LMO1: variants seen among roughly 807,000 people sequenced by gnomAD.
LMO1 encodes rhombotin-1.
A neutral mutation model predicts 18.0 loss-of-function variants in LMO1; 10 were observed. The observed-to-expected ratio is 0.55, with a 90% confidence interval of 0.34 to 0.94. LMO1 has a LOEUF of 0.94. Ranked by LOEUF, LMO1 falls within the 40% of genes least tolerant of loss-of-function variation. The pLI, the probability that LMO1 is intolerant of heterozygous loss-of-function variation, is 0.02. For synonymous variants in LMO1, 77 were observed against 77.9 expected (o/e 0.99, Z 0.06); for missense variants, 183 against 205.7 (o/e 0.89, Z 0.68).
intron 1 of LMO1, among the ~76,000 whole-genome samples, chr11:8,255,813 C>A (rs1019298425): frequency 6.3e-5 from 9 of 143,050 alleles, no homozygotes; most frequent in Non-Finnish European, 1.0e-4. Flanking sequence ...TAGCACAATG[C>A]CGCACTTTTT....
intron 1 of LMO1, among the ~76,000 whole-genome samples, chr11:8,242,731 G>A (rs1350311905): frequency 6.6e-6 from 1 of 152,182 alleles, no homozygotes; most frequent in East Asian, 1.9e-4. Context: ...ATGAAACAGG[G>A]CTCCCAAGAG....
chr11:8,234,267 C>T (rs1952722050), intron 1 of LMO1, among the ~76,000 whole-genome samples: 1 of 152,176 alleles, frequency 6.6e-6, no homozygotes, highest in Non-Finnish European at 1.5e-5. Context: ...ACCCTCCACT[C>T]TTTAATCTGG....
chr11:8,232,660 C>G (rs1952688064), intron 1 of LMO1, among the ~76,000 whole-genome samples: 1 of 152,196 alleles, frequency 6.6e-6, no homozygotes, highest in Non-Finnish European at 1.5e-5. Context: ...TCCTTTTGCT[C>G]AGCCAGGCTT....
chr11:8,224,862 G>A (rs1328666767), intron 3 of LMO1, 141 bp from the exon 4 acceptor site: 2 of 646,882 alleles, frequency 3.1e-6, no homozygotes, highest in Non-Finnish European at 2.8e-6. Context: ...ACCTTCCAGA[G>A]GGAACTGCCA....
At chr11:8,251,757 TGTGTGTGTG>T (rs896863330) in intron 1 of LMO1, among the ~76,000 whole-genome samples, 9 of 148,878 alleles carry the variant, frequency 6.0e-5, no homozygotes, top group East Asian at 2.0e-4. Flanking sequence ...GGGTGTGGTA[TGTGTGTGTG>T]GTGTGTGTGG....
At chr11:8,227,325 G>C (rs1565174633) in intron 2 of LMO1, among the ~76,000 whole-genome samples, 1 of 152,198 alleles carries the variant, frequency 6.6e-6, no homozygotes, top group Non-Finnish European at 1.5e-5. Context: ...GTGTGTAGGG[G>C]GTCAGGAGTT....
rs907179066 is a variant in LMO1 at position 8,263,068 on chromosome 11, T to C, written c.25+270A>G. Among the ~76,000 whole-genome samples the C allele has an allele frequency of 9.7e-4, 148 of 151,870 alleles. 1 individual carries two copies. The highest frequency in any genetic ancestry group is 3.3e-3 in the African/African-American group (138 of 41,492). Reference sequence around the variant, plus strand: ...GCCCCGCGGCGCAGCACACGGCCAGTGCACAGCTCCTCGGCTCGCGGCCGG... The same window carrying C: ...GCCCCGCGGCGCAGCACACGGCCAGCGCACAGCTCCTCGGCTCGCGGCCGG... On this transcript the variant is annotated intron_variant, in intron 1 of 3. Coordinates refer to ENST00000335790, the MANE Select transcript of LMO1 (RefSeq NM_002315.3).
At chr11:8,259,779 C>G (rs1847155722) in intron 1 of LMO1, among the ~76,000 whole-genome samples, 1 of 152,228 alleles carries the variant, frequency 6.6e-6, no homozygotes. Flanking sequence ...CTGGTTGGTA[C>G]CCAAGCATAG....
At position 8,263,420 on chromosome 11, in the gene LMO1, G is replaced by C. The variant is rs1847223859; in HGVS notation, c.-58C>G. The C allele has an allele frequency of 1.4e-5, 22 of 1,589,496 alleles. No individual in the cohort carries two copies. The highest frequency in any genetic ancestry group is 4.6e-5 in the East Asian group (2 of 43,264). On this transcript the variant is annotated 5_prime_UTR_variant, in exon 1 of 4. Coordinates refer to ENST00000335790, the MANE Select transcript of LMO1 (RefSeq NM_002315.3). ...TCGGCCGGGAGAAGGGCGCCGACTC[G>C]GGGCGCGCTTTGGAGGGGCGGCCGG...
Position 8,263,567 on chromosome 11 carries a change from T to C in LMO1, c.-205A>G, listed in dbSNP as rs1015402927. 1.6e-5 allele frequency: 22 copies of C among 1,370,616 alleles called. No homozygotes were observed. The African/African-American group carries it at 2.3e-4, about 14-fold the overall frequency. The allele number at this position is 1,370,616 out of a possible 1,614,324, so 84.9% of individuals were successfully genotyped here. On this transcript the variant is annotated 5_prime_UTR_variant, in exon 1 of 4. Transcript: ENST00000335790. ...AGATACAAAAGCAGTCTCACCTACT[T>C]TTGTGCCTCAGAATTGGAAGGAACT...
At chr11:8,226,575 C>T (rs188100278) in intron 3 of LMO1, among the ~76,000 whole-genome samples, 42 of 152,300 alleles carry the variant, frequency 2.8e-4, no homozygotes, top group African/African-American at 9.9e-4. Flanking sequence ...ATGCACGTTG[C>T]ACATACACAT....
chr11:8,239,243 G>A (rs958208021), intron 1 of LMO1, among the ~76,000 whole-genome samples: 1 of 152,206 alleles, frequency 6.6e-6, no homozygotes, highest in Non-Finnish European at 1.5e-5. Context: ...GCTGGGGTGG[G>A]GGCTGGGGAC....
At position 8,224,310 on chromosome 11, in the gene LMO1, C is replaced by A; in HGVS notation, c.*306G>T. The A allele has an allele frequency of 2.5e-6, 1 of 394,900 alleles. No individual in the cohort carries two copies. The highest frequency in any genetic ancestry group is 4.7e-6 in the Non-Finnish European group (1 of 214,794). 24.5% of individuals were successfully genotyped at this position (394,900 alleles called of 1,614,324 possible). A position where few individuals can be genotyped will look rare whatever the true frequency, so the allele number is the denominator to read the frequency against. ...TCATGTGAACAACGCAGAGTAACCT[C>A]CCGGAAACATTCATAAGTTTAATCC... On this transcript the variant is annotated 3_prime_UTR_variant, in exon 4 of 4. Coordinates refer to ENST00000335790, the MANE Select transcript of LMO1 (RefSeq NM_002315.3).
intron 1 of LMO1, among the ~76,000 whole-genome samples, chr11:8,246,344 G>C (rs1170556133): frequency 2.0e-5 from 3 of 152,144 alleles, no homozygotes. Context: ...ACATACAATG[G>C]AATATGATTT....
chr11:8,226,592 CCAGA>C (rs1343489432), intron 3 of LMO1, among the ~76,000 whole-genome samples: 2 of 152,180 alleles, frequency 1.3e-5, no homozygotes, highest in African/African-American at 4.8e-5. Flanking sequence ...ACATACACCC[CCAGA>C]CATTTAAAAA....
upstream of LMO1, among the ~76,000 whole-genome samples, chr11:8,265,697 G>A (rs1021516833): frequency 4.6e-5 from 7 of 152,152 alleles, no homozygotes; most frequent in Admixed American, 6.6e-5. Context: ...CGCTGCCACC[G>A]GCATATTTGG....
At chr11:8,260,331 T>G (rs974442273) in intron 1 of LMO1, among the ~76,000 whole-genome samples, 7 of 152,246 alleles carry the variant, frequency 4.6e-5, no homozygotes, top group Admixed American at 3.3e-4. Context: ...GGGCTGTTTC[T>G]CCGGGAAAGT....
chr11:8,264,095 C>T (rs1036937891), upstream of LMO1, among the ~76,000 whole-genome samples: 4 of 151,970 alleles, frequency 2.6e-5, no homozygotes, highest in Admixed American at 1.3e-4. Flanking sequence ...CCCAGACCCT[C>T]AGCCTTGATT....
intron 1 of LMO1, among the ~76,000 whole-genome samples, chr11:8,252,478 C>T (rs1368141797): frequency 2.6e-5 from 4 of 152,070 alleles, no homozygotes; most frequent in African/African-American, 9.7e-5. Flanking sequence ...TATCATCTGC[C>T]CCACTTCCTT....
Sources: gnomAD v4.1 joint callset for allele counts (sites outside exome capture counted in the v4.1 genomes callset) on GRCh38, gnomAD v4.1.1 for gene constraint, MANE v1.5 for transcripts, NCBI Gene and HGNC (gene_info 2026-07-23, HGNC 2026-07-21) for gene names.